Variants in MACF1 observed in about 807,000 individuals in gnomAD.
MACF1 encodes the protein microtubule-actin cross-linking factor 1.
A neutral mutation model predicts 854.8 loss-of-function variants in MACF1; 193 were observed. That is an observed-to-expected ratio of 0.23 (90% confidence interval 0.20 to 0.25). The LOEUF is 0.25. Among genes scored for constraint, MACF1 ranks in the 10% least tolerant of loss-of-function variants. MACF1 has a pLI of 1.00. For missense variants in MACF1, 7,722 were observed against 8,929.1 expected (o/e 0.86, Z 5.45); for synonymous variants, 3,185 against 3,226.7 (o/e 0.99, Z 0.44).
At chr1:39,320,899 C>G (rs192203680) in intron 31 of MACF1, among the ~76,000 whole-genome samples, 1 of 152,228 alleles carries the variant, frequency 6.6e-6, no homozygotes, top group Admixed American at 6.5e-5. Context: ...GAGCCTGGGA[C>G]ATTGAGGCTA....
chr1:39,288,115 C>T (rs1365768398), intron 15 of MACF1, among the ~76,000 whole-genome samples: 1 of 152,106 alleles, frequency 6.6e-6, no homozygotes, highest in Non-Finnish European at 1.5e-5. Flanking sequence ...ATAATAATCA[C>T]ATCATGGAAA....
At chr1:39,447,393 T>A (rs1644252313) in intron 80 of MACF1, 39 bp from the exon 81 acceptor site, 1 of 1,600,756 alleles carries the variant, frequency 6.2e-7, no homozygotes, top group African/African-American at 1.3e-5. Flanking sequence ...AAATTGGCGC[T>A]TTTTCTTTCT....
At chr1:39,247,323 G>A (rs1187961192) in intron 2 of MACF1, among the ~76,000 whole-genome samples, 5 of 151,452 alleles carry the variant, frequency 3.3e-5, no homozygotes, top group Admixed American at 6.6e-5. Context: ...CGCCCGTCTC[G>A]GCCTCCCAAA....
chr1:39,211,856 G>T (rs1231040259), intron 1 of MACF1, among the ~76,000 whole-genome samples: 1 of 151,894 alleles, frequency 6.6e-6, no homozygotes, highest in Non-Finnish European at 1.5e-5. Flanking sequence ...ACTCTAGCCT[G>T]GGCAACAGAG....
At chr1:39,422,308 T>G in intron 58 of MACF1, 66 bp from the exon 59 acceptor site, 1 of 1,267,686 alleles carries the variant, frequency 7.9e-7, no homozygotes, top group East Asian at 2.4e-5. Context: ...GAATAACCAG[T>G]CTCTGCGTGG....
chr1:39,437,261 T>C (rs1222250202), intron 70 of MACF1, among the ~76,000 whole-genome samples: 1 of 151,164 alleles, frequency 6.6e-6, no homozygotes, highest in African/African-American at 2.4e-5. Context: ...TTTTTTTTAA[T>C]GGGCCAGCTC....
At chr1:39,244,065 C>T (rs943771052) in intron 2 of MACF1, among the ~76,000 whole-genome samples, 4 of 151,926 alleles carry the variant, frequency 2.6e-5, no homozygotes, top group African/African-American at 4.8e-5. Flanking sequence ...CATTACCTCT[C>T]TCTGTATCTC....
chr1:39,227,756 A>G (rs768640454), intron 1 of MACF1, among the ~76,000 whole-genome samples: 10 of 152,154 alleles, frequency 6.6e-5, no homozygotes, highest in Non-Finnish European at 1.2e-4. Flanking sequence ...GCTATTCCTA[A>G]TTATGTGCAG....
chr1:39,459,858 T>A (rs912972744), intron 91 of MACF1: 10 of 1,303,814 alleles, frequency 7.7e-6, no homozygotes, highest in Non-Finnish European at 9.1e-6. Flanking sequence ...TTTGTTTATT[T>A]TTTCCTTAGG....
Position 39,340,812 on chromosome 1 carries a change from G to C in MACF1, c.10440G>C (p.Val3480=), listed in dbSNP as rs758147915. 6.2e-7 allele frequency: 1 copy of C among 1,613,060 alleles called. No individual in the cohort carries two copies. Among genetic ancestry groups the C allele is most frequent in the Admixed American group, 1.7e-5 (1 of 59,782 alleles). ...QNAVEIEKTK[V]LNQHTQLEGR... is the part of the protein sequence containing the mutation. ...TTCCATTTATTTCTTAGACTAAAGTGTTAAATCAGCACACACAGCTAGAAG... is the reference window on the plus strand; with the variant it reads ...TTCCATTTATTTCTTAGACTAAAGTCTTAAATCAGCACACACAGCTAGAAG... The change falls in exon 40 of 101, where the codon GTG becomes GTC. Residue 3480 remains valine, a synonymous_variant. Coordinates refer to ENST00000564288, the MANE Select transcript of MACF1 (RefSeq NM_001394062.1).
At chr1:39,329,178 A>G (rs1053991879) in intron 36 of MACF1, among the ~76,000 whole-genome samples, 2 of 152,216 alleles carry the variant, frequency 1.3e-5, no homozygotes. Context: ...TTGGTCAGAA[A>G]ACATGGGGAT....
rs759439454 is a variant in MACF1, at chr1:39,336,462, A to G, written c.9874A>G (p.Ile3292Val). ...KENTGQQNAI[I>V]SPTVLETSEE... The stretch of plus-strand genomic sequence containing the variant: ...GAATACAGGGCAACAGAATGCCATC[A>G]TTAGTCCTACTGTTCTAGAGACCAG... Residue 3292 changes from isoleucine (I) to valine (V), a missense_variant, in exon 37 of 101, where the codon ATT becomes GTT. Ile to Val is a conservative substitution (Grantham distance 29). Transcript: ENST00000564288. 6 of 1,614,212 alleles carry G rather than the reference A, an allele frequency of 3.7e-6. No homozygotes were observed. The South Asian group carries it at 5.5e-5, about 15-fold the overall frequency.
chr1:39,114,182 GT>G (rs10715454), intron 2 of MACF1, among the ~76,000 whole-genome samples: 64,597 of 142,410 alleles, frequency 0.45, 14,554 homozygotes, highest in South Asian at 0.62. Flanking sequence ...ATACTTTACT[GT>G]TTTTTTTTTT....
At chr1:39,433,978 G>A (rs1156758724) in intron 68 of MACF1, among the ~76,000 whole-genome samples, 2 of 152,160 alleles carry the variant, frequency 1.3e-5, no homozygotes, top group African/African-American at 4.8e-5. Context: ...TACTTGGGAA[G>A]CTGAGGCAGG....
At chr1:39,263,733 T>C (rs1370310397) in intron 6 of MACF1, among the ~76,000 whole-genome samples, 1 of 151,856 alleles carries the variant, frequency 6.6e-6, no homozygotes, top group South Asian at 2.1e-4. Flanking sequence ...ACACATAGTA[T>C]CTTTGGTATA....
intron 47 of MACF1, among the ~76,000 whole-genome samples, chr1:39,359,741 C>T (rs1363994129): frequency 6.6e-6 from 1 of 151,104 alleles, no homozygotes; most frequent in Non-Finnish European, 1.5e-5. Flanking sequence ...GAGGCCGAGG[C>T]GGGCAGATCA....
intron 2 of MACF1, among the ~76,000 whole-genome samples, chr1:39,246,382 T>C (rs1213240106): frequency 6.6e-6 from 1 of 152,256 alleles, no homozygotes; most frequent in Non-Finnish European, 1.5e-5. Context: ...TTCAACATAT[T>C]TAAAATTGAA....
chr1:39,363,970 A>G (rs1326658367), intron 49 of MACF1, among the ~76,000 whole-genome samples: 2 of 152,128 alleles, frequency 1.3e-5, no homozygotes, highest in Non-Finnish European at 2.9e-5. Flanking sequence ...TGCTATTACT[A>G]CTGAATAGCT....
chr1:39,431,085 C>T (rs1274123139), intron 66 of MACF1, among the ~76,000 whole-genome samples, 177 bp downstream of exon 66: 2 of 152,100 alleles, frequency 1.3e-5, no homozygotes, highest in Non-Finnish European at 2.9e-5. Flanking sequence ...AGGATGGATC[C>T]AGAATTTGAC....
Sources: allele counts gnomAD v4.1 joint callset (sites outside exome capture counted in the v4.1 genomes callset), GRCh38; gene constraint gnomAD v4.1.1; transcripts MANE v1.5; gene names NCBI Gene and HGNC (gene_info 2026-07-23, HGNC 2026-07-21).